The following KANK1 variants were observed in gnomAD, a reference collection of about 807,000 sequenced individuals.
KANK1 encodes the protein KN motif and ankyrin repeat domain-containing protein 1.
KANK1 carries 109 observed loss-of-function variants against 106.2 expected under a neutral mutation model. The observed-to-expected ratio is 1.03, with a 90% CI of 0.88 to 1.20. The LOEUF (loss-of-function observed/expected upper bound fraction) is 1.20. Ranked by LOEUF, KANK1 falls within the 50% of genes most tolerant of loss-of-function variation. KANK1 has a pLI of 0.00. For synonymous variants in KANK1, 873 were observed against 652.2 expected (o/e 1.34, Z -5.16); for missense variants, 2,399 against 1,710.7 (o/e 1.40, Z -7.10).
chr9:572,124 TTAA>T (rs1819338106), intron 1 of KANK1, among the ~76,000 whole-genome samples: 2 of 151,582 alleles, frequency 1.3e-5, no homozygotes, highest in African/African-American at 4.8e-5. Flanking sequence ...AATACAACTC[TTAA>T]CTTATGGTTG....
At chr9:656,874 T>C (rs1386555808) in intron 1 of KANK1, among the ~76,000 whole-genome samples, 1 of 152,068 alleles carries the variant, frequency 6.6e-6, no homozygotes, top group East Asian at 1.9e-4. Flanking sequence ...ACTTCTACTT[T>C]TTTCCTTTTT....
chr9:670,949 GTTTTTTTTTTTTTT>G (rs5895857), intron 1 of KANK1, among the ~76,000 whole-genome samples: 4 of 103,044 alleles, frequency 3.9e-5, no homozygotes, highest in Admixed American at 2.0e-4. Flanking sequence ...GTCTGCTGGA[GTTTTTTTTTTTTTT>G]TTTTTTTTTT....
At chr9:471,282 G>A (rs1309840172) in intron 2 of KANK1, among the ~76,000 whole-genome samples, 1 of 152,292 alleles carries the variant, frequency 6.6e-6, no homozygotes, top group South Asian at 2.1e-4. Context: ...GACCGAGGAG[G>A]GGCACTATGT....
intron 1 of KANK1, among the ~76,000 whole-genome samples, chr9:508,287 G>C (rs2058865938): frequency 6.6e-6 from 1 of 151,666 alleles, no homozygotes; most frequent in African/African-American, 2.4e-5. Context: ...GCAGGCATCT[G>C]CCACCATGCC....
intron 1 of KANK1, among the ~76,000 whole-genome samples, chr9:660,582 A>G (rs557439648): frequency 1.3e-3 from 197 of 152,270 alleles, no homozygotes; most frequent in Non-Finnish European, 2.1e-3. Flanking sequence ...ACAAAGCAAT[A>G]CTGTCATGTT....
intron 2 of KANK1, chr9:707,319 G>C (rs986904219): frequency 1.2e-6 from 1 of 802,298 alleles, no homozygotes; most frequent in African/African-American, 1.9e-5. Flanking sequence ...GAGGGGGGCC[G>C]GCCGGGAAGG....
intron 2 of KANK1, among the ~76,000 whole-genome samples, chr9:705,634 G>C (rs1244182880): frequency 1.3e-5 from 2 of 151,654 alleles, no homozygotes; most frequent in Non-Finnish European, 2.9e-5. Flanking sequence ...TTTTGCTCTT[G>C]TTGCCCAGGC....
chr9:679,725 A>C (rs919515227), intron 2 of KANK1, among the ~76,000 whole-genome samples: 4 of 152,138 alleles, frequency 2.6e-5, no homozygotes, highest in Non-Finnish European at 4.4e-5. Flanking sequence ...AAAAGTATAG[A>C]TGTGTGTTGT....
chr9:742,668 G>C (rs183805854), intron 10 of KANK1, among the ~76,000 whole-genome samples: 2 of 152,176 alleles, frequency 1.3e-5, no homozygotes, highest in South Asian at 2.1e-4. Context: ...GTGATTTAAC[G>C]GGCATGTCCA....
intron 1 of KANK1, among the ~76,000 whole-genome samples, chr9:646,361 A>G (rs1380801825): frequency 2.0e-5 from 3 of 151,040 alleles, no homozygotes; most frequent in East Asian, 1.9e-4. Context: ...AAAATTTAAA[A>G]TAAGTAAATA....
intron 1 of KANK1, among the ~76,000 whole-genome samples, chr9:642,755 G>A (rs763724492): frequency 2.7e-5 from 4 of 149,432 alleles, no homozygotes; most frequent in Non-Finnish European, 5.9e-5. Flanking sequence ...ATAAATAGGT[G>A]CCTGTCACCT....
chr9:593,078 T>C (rs976986899), intron 1 of KANK1, among the ~76,000 whole-genome samples: 7 of 151,876 alleles, frequency 4.6e-5, no homozygotes, highest in Non-Finnish European at 2.9e-5. Flanking sequence ...AATCTTGTTT[T>C]AGATAATTCT....
intron 1 of KANK1, among the ~76,000 whole-genome samples, chr9:660,803 T>C (rs528534157): frequency 9.1e-4 from 139 of 152,310 alleles, no homozygotes; most frequent in Admixed American, 2.8e-3. Context: ...CCCTGGTGTC[T>C]ATAACCTGAC....
chr9:542,870 T>A (rs2060692700), intron 1 of KANK1, among the ~76,000 whole-genome samples: 1 of 151,636 alleles, frequency 6.6e-6, no homozygotes, highest in Admixed American at 6.6e-5. Context: ...GAGAGCGGAG[T>A]GGTGGTTGTC....
chr9:625,756 A>C (rs1279580200), intron 1 of KANK1, among the ~76,000 whole-genome samples: 1 of 152,218 alleles, frequency 6.6e-6, no homozygotes, highest in Non-Finnish European at 1.5e-5. Flanking sequence ...CTCCTTGATC[A>C]AACATGGACC....
chr9:545,348 T>C (rs1312052638), intron 1 of KANK1, among the ~76,000 whole-genome samples: 2 of 152,042 alleles, frequency 1.3e-5, no homozygotes, highest in African/African-American at 4.8e-5. Context: ...GAAGGGGAAA[T>C]GTGAGCTTGA....
chr9:634,841 A>T (rs1047932166), intron 1 of KANK1, among the ~76,000 whole-genome samples: 3 of 152,170 alleles, frequency 2.0e-5, no homozygotes, highest in African/African-American at 7.2e-5. Flanking sequence ...CACTGATATC[A>T]TTAGGGGCCC....
chr9:495,602 C>G (rs960338179), intron 3 of KANK1: 4 of 152,204 alleles, frequency 2.6e-5, no homozygotes, highest in Admixed American at 2.0e-4. Context: ...ATAACTAACT[C>G]TAAAACTTCA....
exon 2 of KANK1, chr9:470,619 C>T (rs1159483638): frequency 6.6e-6 from 1 of 152,416 alleles, no homozygotes; most frequent in Non-Finnish European, 1.5e-5. Flanking sequence ...AACCCATCCC[C>T]TGCCACAAGA....
Sources: allele counts gnomAD v4.1 joint callset (sites outside exome capture counted in the v4.1 genomes callset), GRCh38; gene constraint gnomAD v4.1.1; transcripts MANE v1.5; gene names NCBI Gene and HGNC (gene_info 2026-07-23, HGNC 2026-07-21).